The following CNTNAP2 variants were observed in gnomAD, a reference collection of about 807,000 sequenced individuals.
CNTNAP2 encodes contactin-associated protein-like 2.
CNTNAP2 carries 98 observed loss-of-function variants against 155.2 expected under a neutral mutation model. That is an observed-to-expected ratio of 0.63 (90% CI 0.54 to 0.75). The LOEUF is 0.75. CNTNAP2 is among the 30% of genes least tolerant of loss of function. The probability of loss-of-function intolerance (pLI) is 0.00; values close to 1 mark genes in which losing one functional copy is unlikely to be tolerated. For missense variants in CNTNAP2, 1,727 were observed against 1,688.1 expected (o/e 1.02, Z -0.40); for synonymous variants, 651 against 631.2 (o/e 1.03, Z -0.47).
chr7:147,433,832 A>T (rs578173872), intron 10 of CNTNAP2, among the ~76,000 whole-genome samples: 1 of 152,234 alleles, frequency 6.6e-6, no homozygotes, highest in Non-Finnish European at 1.5e-5. Flanking sequence ...ATTTTCTTTG[A>T]TATGTCTTGT....
At chr7:147,077,226 T>TA (rs1391020793) in intron 4 of CNTNAP2, among the ~76,000 whole-genome samples, 2 of 152,180 alleles carry the variant, frequency 1.3e-5, no homozygotes, top group Non-Finnish European at 2.9e-5. Context: ...ATTTATTATT[T>TA]AAAAAAATTA....
At chr7:148,332,549 T>C (rs571581832) in intron 21 of CNTNAP2, among the ~76,000 whole-genome samples, 1 of 152,342 alleles carries the variant, frequency 6.6e-6, no homozygotes, top group South Asian at 2.1e-4. Context: ...CCACCATGTT[T>C]ATGCATGGTA....
chr7:146,678,709 T>A (rs1284981544), intron 1 of CNTNAP2, among the ~76,000 whole-genome samples: 1 of 152,158 alleles, frequency 6.6e-6, no homozygotes, highest in African/African-American at 2.4e-5. Flanking sequence ...ATCTAATTAA[T>A]TCATACATTA....
chr7:147,550,665 A>G (rs1799834022), intron 11 of CNTNAP2, among the ~76,000 whole-genome samples: 3 of 152,320 alleles, frequency 2.0e-5, no homozygotes, highest in Admixed American at 1.3e-4. Flanking sequence ...CTCAGCAGCA[A>G]TGTCAAGTTC....
At chr7:147,858,180 T>C (rs541057540) in intron 13 of CNTNAP2, among the ~76,000 whole-genome samples, 134 of 152,278 alleles carry the variant, frequency 8.8e-4, no homozygotes, top group African/African-American at 3.0e-3. Flanking sequence ...CTCCACCTCC[T>C]GGGTGCAAGC....
At chr7:147,610,997 C>T (rs1801174078) in intron 12 of CNTNAP2, among the ~76,000 whole-genome samples, 1 of 152,096 alleles carries the variant, frequency 6.6e-6, no homozygotes, top group Non-Finnish European at 1.5e-5. Context: ...ACCTCAGCCT[C>T]CCAGAGTGCT....
At position 146,407,505 on chromosome 7, in the gene CNTNAP2, A is replaced by G. The variant is rs147181468; in HGVS notation, c.97+290532A>G. On this transcript the variant is annotated intron_variant, in intron 1 of 23. Coordinates refer to ENST00000361727, the MANE Select transcript of CNTNAP2 (RefSeq NM_014141.6). ...ATTACTGTTTATAATGTGAGTTACAATCTTGTGCAATCATTTTGGTGTGCC... is the reference window on the plus strand; with the variant it reads ...ATTACTGTTTATAATGTGAGTTACAGTCTTGTGCAATCATTTTGGTGTGCC... Among the ~76,000 whole-genome samples the G allele has an allele frequency of 1.9e-3, 286 of 152,290 alleles. 1 individual carries two copies. The highest frequency in any genetic ancestry group is 6.1e-3 in the African/African-American group (254 of 41,566).
chr7:146,402,174 G>A (rs376555956), intron 1 of CNTNAP2, among the ~76,000 whole-genome samples: 30 of 151,982 alleles, frequency 2.0e-4, no homozygotes, highest in African/African-American at 5.6e-4. Context: ...ATGAGTGTGC[G>A]TTCATTTCAT....
At chr7:147,560,691 T>TA (rs750438165) in intron 11 of CNTNAP2, among the ~76,000 whole-genome samples, 1 of 151,728 alleles carries the variant, frequency 6.6e-6, no homozygotes, top group Non-Finnish European at 1.5e-5. Flanking sequence ...CTGCAATGCC[T>TA]AACGCACTGC....
intron 3 of CNTNAP2, among the ~76,000 whole-genome samples, chr7:146,867,384 G>T (rs1309544574): frequency 6.6e-6 from 1 of 152,098 alleles, no homozygotes; most frequent in Admixed American, 6.6e-5. Context: ...ATATTTCATG[G>T]TGTATATTTA....
chr7:146,994,554 G>A (rs1798272524), intron 3 of CNTNAP2, among the ~76,000 whole-genome samples: 1 of 152,080 alleles, frequency 6.6e-6, no homozygotes, highest in Non-Finnish European at 1.5e-5. Flanking sequence ...TGCTAAATGA[G>A]TGACTCACAT....
intron 1 of CNTNAP2, among the ~76,000 whole-genome samples, chr7:146,150,910 A>G (rs1025022162): frequency 2.0e-5 from 3 of 152,058 alleles, no homozygotes; most frequent in African/African-American, 7.2e-5. Flanking sequence ...TGCCCAATAC[A>G]GGGTAATTTA....
chr7:146,222,152 G>C (rs1486486380), intron 1 of CNTNAP2, among the ~76,000 whole-genome samples: 1 of 152,144 alleles, frequency 6.6e-6, no homozygotes, highest in Non-Finnish European at 1.5e-5. Flanking sequence ...TAATTACTAA[G>C]TCATTCATTC....
At chr7:147,611,541 C>T (rs1357363192) in intron 12 of CNTNAP2, among the ~76,000 whole-genome samples, 1 of 152,168 alleles carries the variant, frequency 6.6e-6, no homozygotes, top group Non-Finnish European at 1.5e-5. Flanking sequence ...CAAAAAAAGA[C>T]ACATATGAGC....
At chr7:146,204,113 A>G (rs1249770596) in intron 1 of CNTNAP2, among the ~76,000 whole-genome samples, 5 of 152,168 alleles carry the variant, frequency 3.3e-5, no homozygotes, top group Admixed American at 3.3e-4. Flanking sequence ...CATGGGGAAA[A>G]TTCTTGTAAA....
chr7:146,724,084 A>G (rs1801386596), intron 1 of CNTNAP2, among the ~76,000 whole-genome samples: 1 of 152,204 alleles, frequency 6.6e-6, no homozygotes, highest in South Asian at 2.1e-4. Context: ...CCTGGGTAGT[A>G]GTGAAAGTCA....
At position 147,283,326 on chromosome 7, in the gene CNTNAP2, T is replaced by A. The variant is rs185879543; in HGVS notation, c.1349-16815T>A. On this transcript the variant is annotated intron_variant, in intron 8 of 23. Transcript: ENST00000361727. ...ATTGTATAGTTCAAAGGCTTTTTTT[T>A]AAAAAAAACTGAACATACCTATGTA... 3.0e-3 allele frequency among the ~76,000 whole-genome samples: 458 copies of A among 151,722 alleles called. 5 individuals carry two copies. Among genetic ancestry groups the A allele is most frequent in the East Asian group, 0.021 (107 of 5,172 alleles).
intron 1 of CNTNAP2, among the ~76,000 whole-genome samples, chr7:146,172,366 C>A (rs1481936146): frequency 6.6e-6 from 1 of 151,854 alleles, no homozygotes; most frequent in Non-Finnish European, 1.5e-5. Context: ...TGACCACCCC[C>A]AAAGCACAGA....
At chr7:147,745,762 C>T (rs77064423) in intron 13 of CNTNAP2, among the ~76,000 whole-genome samples, 4,813 of 152,246 alleles carry the variant, frequency 0.032, 244 homozygotes, top group African/African-American at 0.11. Context: ...ACATCTGTAA[C>T]GTAAAGGAGG....
Sources: allele counts gnomAD v4.1 joint callset (sites outside exome capture counted in the v4.1 genomes callset), GRCh38; gene constraint gnomAD v4.1.1; transcripts MANE v1.5; gene names NCBI Gene and HGNC (gene_info 2026-07-23, HGNC 2026-07-21).